VPS13D: variants seen among roughly 807,000 people sequenced by gnomAD.
The protein encoded by VPS13D is intermembrane lipid transfer protein VPS13D.
VPS13D carries 187 observed loss-of-function variants against 461.9 expected under a neutral mutation model. That is an observed-to-expected ratio of 0.40 (90% confidence interval 0.36 to 0.46). VPS13D has a LOEUF of 0.46. VPS13D is among the 20% of genes least tolerant of loss of function. VPS13D has a pLI of 0.60. For missense variants in VPS13D, 4,711 were observed against 5,364.9 expected, an observed-to-expected ratio of 0.88 and a Z score of 3.81; for synonymous variants, 1,951 against 1,986.3, an observed-to-expected ratio of 0.98 and a Z score of 0.47.
intron 6 of VPS13D, among the ~76,000 whole-genome samples, chr1:12,251,636 A>G (rs1016569982): frequency 6.6e-6 from 1 of 152,148 alleles, no homozygotes; most frequent in South Asian, 2.1e-4. Flanking sequence ...ACTGGCTCAT[A>G]CTTGAGACAC....
chr1:12,289,499 G>T (rs955859367), intron 22 of VPS13D, among the ~76,000 whole-genome samples: 1 of 151,320 alleles, frequency 6.6e-6, no homozygotes, highest in Non-Finnish European at 1.5e-5. Flanking sequence ...GGGAAGGAAT[G>T]AACTGAGGCT....
At chr1:12,290,935 C>T (rs2101421661) in intron 22 of VPS13D, 63 bp from the exon 23 acceptor site, 1 of 1,477,000 alleles carries the variant, frequency 6.8e-7, no homozygotes, top group Non-Finnish European at 9.1e-7. Flanking sequence ...TTGTTCCAGA[C>T]ATATTTAAGT....
chr1:12,415,560 C>A (rs891917033), intron 64 of VPS13D, among the ~76,000 whole-genome samples: 2 of 148,200 alleles, frequency 1.3e-5, no homozygotes, highest in Non-Finnish European at 3.0e-5. Flanking sequence ...GCAACTACAC[C>A]CATGTTCTTA....
At chr1:12,362,454 G>A (rs1445767945) in intron 50 of VPS13D, among the ~76,000 whole-genome samples, 1 of 152,176 alleles carries the variant, frequency 6.6e-6, no homozygotes, top group Non-Finnish European at 1.5e-5. Flanking sequence ...GCTGTTAAAT[G>A]GTACACACTG....
At chr1:12,459,482 C>CTTTTTT (rs869264869) in intron 66 of VPS13D, among the ~76,000 whole-genome samples, 15 of 131,340 alleles carry the variant, frequency 1.1e-4, no homozygotes, top group Non-Finnish European at 1.8e-4. Flanking sequence ...CTTTTCTTTT[C>CTTTTTT]TTTTTTTTTT....
At chr1:12,343,405 C>G (rs1457179737) in intron 42 of VPS13D, among the ~76,000 whole-genome samples, 6 of 152,030 alleles carry the variant, frequency 3.9e-5, no homozygotes, top group Admixed American at 3.9e-4. Context: ...AAATCCTGAC[C>G]TCAAGTGATC....
intron 61 of VPS13D, among the ~76,000 whole-genome samples, 191 bp from the exon 62 acceptor site, chr1:12,401,417 A>G (rs1357909649): frequency 1.3e-5 from 2 of 152,236 alleles, no homozygotes; most frequent in East Asian, 1.9e-4. Context: ...CAAACCATCT[A>G]TTAAACATCT....
intron 58 of VPS13D, among the ~76,000 whole-genome samples, chr1:12,384,378 G>T (rs1644322644): frequency 2.0e-5 from 3 of 152,192 alleles, no homozygotes; most frequent in Admixed American, 2.0e-4. Context: ...ACATGGAGCA[G>T]ACTTGCAGAG....
intron 47 of VPS13D, among the ~76,000 whole-genome samples, chr1:12,354,535 TA>T (rs1312692376): frequency 1.3e-5 from 2 of 150,530 alleles, no homozygotes; most frequent in Non-Finnish European, 3.0e-5. Context: ...CCCTGTCTCT[TA>T]AAAAAAAAGA....
chr1:12,403,724 C>CT, intron 62 of VPS13D, 101 bp from the exon 63 acceptor site: 1 of 1,224,004 alleles, frequency 8.2e-7, no homozygotes, highest in South Asian at 1.7e-5. Context: ...AGATGGTTTC[C>CT]TTTTTTTGAT....
chr1:12,365,508 A>G (rs1043358148), intron 52 of VPS13D, among the ~76,000 whole-genome samples: 1 of 152,116 alleles, frequency 6.6e-6, no homozygotes, highest in African/African-American at 2.4e-5. Flanking sequence ...GTTCCAGACC[A>G]GTCTGACCAA....
intron 65 of VPS13D, among the ~76,000 whole-genome samples, chr1:12,451,978 A>G (rs1645268734): frequency 6.6e-6 from 1 of 152,198 alleles, no homozygotes; most frequent in African/African-American, 2.4e-5. Context: ...AAGGAGGAAA[A>G]CAGAGGCCCG....
intron 60 of VPS13D, among the ~76,000 whole-genome samples, chr1:12,391,235 G>A (rs1245689909): frequency 6.6e-6 from 1 of 152,158 alleles, no homozygotes; most frequent in Non-Finnish European, 1.5e-5. Context: ...GCTGTCCTTC[G>A]GGGATGTCCT....
In VPS13D at chr1:12,271,183, G is replaced by A. The variant is rs1641430908; in HGVS notation, c.2103+59G>A. 5.6e-6 allele frequency: 9 copies of A among 1,605,432 alleles called. No homozygotes were observed. The East Asian group carries it at 1.1e-4, about 20-fold the overall frequency. ...TGGGGAAGGGGCAGGAATTCTTTCC[G>A]TCAAGTCACTACTTACTGTAGATAG... On this transcript the variant is annotated intron_variant, in intron 17 of 69. Coordinates refer to ENST00000620676, the MANE Select transcript of VPS13D (RefSeq NM_015378.4).
intron 46 of VPS13D, among the ~76,000 whole-genome samples, chr1:12,352,929 C>T (rs1172518450): frequency 1.6e-5 from 2 of 122,924 alleles, no homozygotes; most frequent in Non-Finnish European, 3.2e-5. Flanking sequence ...AGCACTATTG[C>T]ACTCCAGCCT....
rs1557487051 is a variant in VPS13D, at chr1:12,509,522, G to C, written c.*498G>C. On this transcript the variant is annotated 3_prime_UTR_variant, in exon 70 of 70. Transcript: ENST00000620676. Reference sequence around the variant, plus strand: ...TAAAGAATGTTACGTCTTAGTTTTGGAGACTAAAGTATTCCCAGTAAAGTG... The same window carrying C: ...TAAAGAATGTTACGTCTTAGTTTTGCAGACTAAAGTATTCCCAGTAAAGTG... 1.3e-5 allele frequency: 2 copies of C among 152,978 alleles called. No individual in the cohort carries two copies. Among genetic ancestry groups the C allele is most frequent in the African/African-American group, 4.8e-5 (2 of 41,572 alleles). 9.5% of individuals were successfully genotyped at this position (152,978 alleles called of 1,614,324 possible).
chr1:12,256,793 G>A lies in VPS13D; in HGVS notation c.841-194G>A, dbSNP rs190706632. 5.2e-4 allele frequency among the ~76,000 whole-genome samples: 79 copies of A among 151,500 alleles called. 1 individual carries two copies. In the East Asian group the frequency reaches 0.014, roughly 26 times the overall value. On this transcript the variant is annotated intron_variant, in intron 8 of 69. Transcript: ENST00000620676. ...GCTGAACAAAAAATACAAGAGATAC[G>A]GCAATGTATAGGCTTAACTGTCAGG...
intron 60 of VPS13D, among the ~76,000 whole-genome samples, chr1:12,391,356 G>A (rs910517669): frequency 6.6e-6 from 1 of 152,190 alleles, no homozygotes; most frequent in Non-Finnish European, 1.5e-5. Flanking sequence ...AATTGATCAT[G>A]GGGAATTCCC....
At chr1:12,245,492 T>C (rs1201205589) in intron 5 of VPS13D, among the ~76,000 whole-genome samples, 3 of 152,218 alleles carry the variant, frequency 2.0e-5, no homozygotes, top group Non-Finnish European at 4.4e-5. Flanking sequence ...TTTAATGTTT[T>C]TTAGTATATT....
Sources: gnomAD v4.1 joint callset for allele counts (sites outside exome capture counted in the v4.1 genomes callset) on GRCh38, gnomAD v4.1.1 for gene constraint, MANE v1.5 for transcripts, NCBI Gene and HGNC (gene_info 2026-07-23, HGNC 2026-07-21) for gene names.